The following PALS2 variants were observed in gnomAD, a reference collection of about 807,000 sequenced individuals.
PALS2 encodes protein PALS2.
Under a neutral mutation model 61.6 loss-of-function variants are expected in PALS2, and 27 were observed. That is an observed-to-expected ratio of 0.44 (90% confidence interval 0.32 to 0.60). PALS2 has a LOEUF of 0.60. Ranked by LOEUF, PALS2 falls within the 20% of genes least tolerant of loss-of-function variation. The probability of loss-of-function intolerance (pLI) is 0.05; values close to 1 mark genes in which losing one functional copy is unlikely to be tolerated. For missense variants in PALS2, 554 were observed against 639.4 expected (o/e 0.87, Z 1.44); for synonymous variants, 236 against 218.6 (o/e 1.08, Z -0.70).
chr7:24,630,053 A>G (rs1424599917), intron 2 of PALS2, among the ~76,000 whole-genome samples: 1 of 152,216 alleles, frequency 6.6e-6, no homozygotes, highest in African/African-American at 2.4e-5. Flanking sequence ...CACTATTCAC[A>G]ATAGCAAAGA....
intron 11 of PALS2, among the ~76,000 whole-genome samples, chr7:24,684,926 A>T (rs1172327040): frequency 6.6e-6 from 1 of 152,020 alleles, no homozygotes; most frequent in Non-Finnish European, 1.5e-5. Context: ...TGTTCTTAGG[A>T]TATATCCCAC....
intron 11 of PALS2, among the ~76,000 whole-genome samples, chr7:24,683,824 A>T (rs1788058500): frequency 6.6e-6 from 1 of 152,230 alleles, no homozygotes; most frequent in Admixed American, 6.5e-5. Flanking sequence ...GATATTTTCC[A>T]ATCAAATTCA....
intron 8 of PALS2, among the ~76,000 whole-genome samples, chr7:24,667,924 C>T (rs1479284218): frequency 5.9e-5 from 9 of 151,976 alleles, no homozygotes; most frequent in East Asian, 1.9e-4. Flanking sequence ...CCTCGGCCTG[C>T]GAAAGTGCTG....
At chr7:24,632,187 T>C (rs1785026453) in intron 2 of PALS2, among the ~76,000 whole-genome samples, 1 of 152,234 alleles carries the variant, frequency 6.6e-6, no homozygotes, top group Non-Finnish European at 1.5e-5. Flanking sequence ...CTCTTATCGT[T>C]ATGTAATGCC....
chr7:24,607,380 A>G (rs1461134338), intron 1 of PALS2, among the ~76,000 whole-genome samples: 5 of 152,022 alleles, frequency 3.3e-5, no homozygotes, highest in African/African-American at 1.2e-4. Flanking sequence ...GTATGACAGT[A>G]TCTGACAATT....
At chr7:24,636,308 G>A (rs1026540345) in intron 2 of PALS2, among the ~76,000 whole-genome samples, 1 of 151,348 alleles carries the variant, frequency 6.6e-6, no homozygotes, top group Non-Finnish European at 1.5e-5. Flanking sequence ...ATATGTCAAA[G>A]TGCCTGTCTT....
intron 1 of PALS2, among the ~76,000 whole-genome samples, chr7:24,619,324 G>T (rs1349459381): frequency 6.6e-6 from 1 of 152,130 alleles, no homozygotes; most frequent in African/African-American, 2.4e-5. Context: ...TCTAATGCAT[G>T]CTGCTAGTTT....
chr7:24,681,291 C>T (rs187383264), intron 11 of PALS2, among the ~76,000 whole-genome samples: 84 of 152,114 alleles, frequency 5.5e-4, no homozygotes, highest in African/African-American at 2.0e-3. Context: ...GTCCCTATGC[C>T]GATCGCCTAG....
chr7:24,610,097 C>T (rs1445356896), intron 1 of PALS2, among the ~76,000 whole-genome samples: 1 of 152,106 alleles, frequency 6.6e-6, no homozygotes, highest in African/African-American at 2.4e-5. Flanking sequence ...ACTGCTTTCC[C>T]TTATTTCCAC....
chr7:24,649,781 C>T lies in PALS2; in HGVS notation c.423+17C>T. 1 of 1,559,546 alleles carries T rather than the reference C, an allele frequency of 6.4e-7. No homozygotes were observed. The highest frequency in any genetic ancestry group is 8.7e-7 in the Non-Finnish European group (1 of 1,154,194). ...GAACCACTGGTGAGTACAGATAAAT[C>T]AGTACCCTATTAAATCTGAAATATG... On this transcript the variant is annotated intron_variant, in intron 4 of 11. Coordinates refer to ENST00000222644, the MANE Select transcript of PALS2 (RefSeq NM_001303037.2).
At chr7:24,684,013 A>C (rs916125912) in intron 11 of PALS2, among the ~76,000 whole-genome samples, 3 of 152,120 alleles carry the variant, frequency 2.0e-5, no homozygotes, top group African/African-American at 7.2e-5. Flanking sequence ...CAACATAACC[A>C]CCACTAGTAT....
At chr7:24,580,160 T>C (rs1478258481) in intron 1 of PALS2, among the ~76,000 whole-genome samples, 2 of 152,220 alleles carry the variant, frequency 1.3e-5, no homozygotes, top group African/African-American at 4.8e-5. Flanking sequence ...CTGATTTACT[T>C]AAATGCATAT....
chr7:24,655,598 G>C (rs1407912594), intron 5 of PALS2, among the ~76,000 whole-genome samples: 2 of 145,576 alleles, frequency 1.4e-5, no homozygotes, highest in Admixed American at 1.4e-4. Flanking sequence ...ATTATGATTA[G>C]TATAATTTTG....
At chr7:24,637,971 A>C (rs1785321009) in intron 2 of PALS2, among the ~76,000 whole-genome samples, 1 of 152,176 alleles carries the variant, frequency 6.6e-6, no homozygotes, top group Admixed American at 6.5e-5. Flanking sequence ...TAAAAAAAGA[A>C]AACAAGATTT....
chr7:24,641,962 T>G (rs1785580560), intron 3 of PALS2, 94 bp downstream of exon 3: 2 of 1,337,516 alleles, frequency 1.5e-6, no homozygotes, highest in Admixed American at 2.2e-5. Flanking sequence ...CTTCAAAGAT[T>G]ATTTAGGGCT....
At position 24,691,583 on chromosome 7, in the gene PALS2, A is replaced by ATTGTTTTAAAACGCTCTGGTTCCACC; in HGVS notation, c.*3973_*3998dup. 1 of 151,338 alleles carries ATTGTTTTAAAACGCTCTGGTTCCACC rather than the reference A, an allele frequency of 6.6e-6. No individual in the cohort carries two copies. The highest frequency in any genetic ancestry group is 1.9e-4 in the East Asian group (1 of 5,186). The allele number at this position is 151,338 out of a possible 1,614,324, so 9.4% of individuals were successfully genotyped here. A position where few individuals can be genotyped will look rare whatever the true frequency, so the allele number is the denominator to read the frequency against. Reference sequence around the variant, plus strand: ...TTTGACATTCTGAAACTTTTTTTAGATTGTTTTAAAACGCTCTGGTTCCAC... The same window carrying ATTGTTTTAAAACGCTCTGGTTCCACC: ...TTTGACATTCTGAAACTTTTTTTAGATTGTTTTAAAACGCTCTGGTTCCACCTTGTTTTAAAACGCTCTGGTTCCAC... On this transcript the variant is annotated 3_prime_UTR_variant, in exon 12 of 12. Coordinates refer to ENST00000222644, the MANE Select transcript of PALS2 (RefSeq NM_001303037.2).
At chr7:24,635,256 A>G (rs74772968) in intron 2 of PALS2, among the ~76,000 whole-genome samples, 9,626 of 152,088 alleles carry the variant, frequency 0.063, 352 homozygotes, top group African/African-American at 0.093. Context: ...CAGAGTATAA[A>G]TTTTGCACTT....
At chr7:24,654,490 A>G (rs1786316868) in intron 5 of PALS2, among the ~76,000 whole-genome samples, 1 of 152,208 alleles carries the variant, frequency 6.6e-6, no homozygotes, top group Admixed American at 6.5e-5. Flanking sequence ...GCAAACGTCT[A>G]GAAATGTAAC....
chr7:24,608,021 A>G (rs1562611390), intron 1 of PALS2, among the ~76,000 whole-genome samples: 1 of 152,152 alleles, frequency 6.6e-6, no homozygotes, highest in Non-Finnish European at 1.5e-5. Context: ...ATTAGACTAC[A>G]TCTTTTACCA....
Sources: allele counts gnomAD v4.1 joint callset (sites outside exome capture counted in the v4.1 genomes callset), GRCh38; gene constraint gnomAD v4.1.1; transcripts MANE v1.5; gene names NCBI Gene and HGNC (gene_info 2026-07-23, HGNC 2026-07-21).